Variants in PAXIP1 observed in about 807,000 individuals in gnomAD.
PAXIP1 encodes PAX-interacting protein 1.
In PAXIP1, 19 loss-of-function variants were observed where a neutral mutation model predicts 140.6. That is an observed-to-expected ratio of 0.14 (90% confidence interval 0.09 to 0.20). PAXIP1 has a LOEUF of 0.20. Among genes scored for constraint, PAXIP1 ranks in the 10% least tolerant of loss-of-function variants. The pLI is 1.00. For missense variants in PAXIP1, 920 were observed against 1,208.6 expected (o/e 0.76, Z 3.54); for synonymous variants, 442 against 444.6 (o/e 0.99, Z 0.07).
chr7:154,998,369 G>A (rs756270964), intron 2 of PAXIP1, among the ~76,000 whole-genome samples: 13 of 152,122 alleles, frequency 8.5e-5, no homozygotes, highest in Non-Finnish European at 1.8e-4. Flanking sequence ...TTAGCCAGGC[G>A]TGGTGGCAGG....
intron 8 of PAXIP1, chr7:154,965,288 C>G (rs540026323): frequency 1.2e-4 from 18 of 152,434 alleles, no homozygotes; most frequent in African/African-American, 4.3e-4. Context: ...GCTCCTGCAG[C>G]CTCCGCTGGC....
At position 154,975,688 on chromosome 7, in the gene PAXIP1, T is replaced by C; in HGVS notation, c.1074+8A>G. On this transcript the variant is annotated splice_region_variant and intron_variant, in intron 6 of 20. Coordinates refer to ENST00000404141, the MANE Select transcript of PAXIP1 (RefSeq NM_007349.4). Reference sequence around the variant, plus strand: ...ATACTGACATTTTTTTCGGAAAGAGTGACTTACATGTGCTACATTTGATGG... The same window carrying C: ...ATACTGACATTTTTTTCGGAAAGAGCGACTTACATGTGCTACATTTGATGG... 1 of 1,571,480 alleles carries C rather than the reference T, an allele frequency of 6.4e-7. No individual in the cohort carries two copies. The highest frequency in any genetic ancestry group is 2.2e-5 in the East Asian group (1 of 44,560).
intron 4 of PAXIP1, among the ~76,000 whole-genome samples, chr7:154,988,013 T>C (rs1476736400): frequency 6.6e-6 from 1 of 152,240 alleles, no homozygotes; most frequent in Non-Finnish European, 1.5e-5. Flanking sequence ...GAGGTAAGTA[T>C]TTGTAATCCA....
chr7:154,986,278 G>A lies in PAXIP1; in HGVS notation c.325-2946C>T, dbSNP rs939959526. 14 of 758,010 alleles carry A rather than the reference G, an allele frequency of 1.8e-5. No homozygotes were observed. Among genetic ancestry groups the A allele is most frequent in the East Asian group, 1.3e-4 (2 of 15,758 alleles). 47.0% of individuals were successfully genotyped at this position (758,010 alleles called of 1,614,324 possible). On this transcript the variant is annotated intron_variant, in intron 4 of 20. Coordinates refer to ENST00000404141, the MANE Select transcript of PAXIP1 (RefSeq NM_007349.4). This position sits in a 1 kb window ranked among gnomAD's most constrained non-coding sequence, Gnocchi z 4.8. ...GGCGTGTGCATGTGAGTGTGTGTGC[G>A]CATGGGTGCTCCAGTGTGCAGAAAA... is the stretch of plus-strand genomic sequence containing the variant.
At position 154,950,348 on chromosome 7, in the gene PAXIP1, G is replaced by A. The variant is rs1207287885; in HGVS notation, c.2822-2345C>T. ...GAAACTCCTAGAAGATAACACAGGA[G>A]AGAATCTAAGGGACCTTGAGTTTGG... On this transcript the variant is annotated intron_variant, in intron 16 of 20. Coordinates refer to ENST00000404141, the MANE Select transcript of PAXIP1 (RefSeq NM_007349.4). 2.0e-5 allele frequency: 3 copies of A among 152,176 alleles called. No individual in the cohort carries two copies. The East Asian group carries it at 5.8e-4, about 29-fold the overall frequency. 9.4% of individuals were successfully genotyped at this position (152,176 alleles called of 1,614,324 possible). A position where few individuals can be genotyped will look rare whatever the true frequency, so the allele number is the denominator to read the frequency against.
At chr7:154,972,142 A>C (rs868359149) in intron 6 of PAXIP1, among the ~76,000 whole-genome samples, 4 of 152,218 alleles carry the variant, frequency 2.6e-5, no homozygotes, top group Non-Finnish European at 5.9e-5. Flanking sequence ...CTCTATATCC[A>C]AATACAAACT....
chr7:154,944,187 C>T, intron 20 of PAXIP1, 23 bp from the exon 21 acceptor site: 3 of 1,591,216 alleles, frequency 1.9e-6, no homozygotes, highest in Middle Eastern at 1.7e-4. Flanking sequence ...AGGAAAACGA[C>T]TTTCAAACAC....
intron 5 of PAXIP1, among the ~76,000 whole-genome samples, chr7:154,982,383 A>T (rs1039362487): frequency 1.3e-5 from 2 of 152,084 alleles, no homozygotes; most frequent in South Asian, 2.1e-4. Context: ...ACAGAGTCTC[A>T]CTCGGTCATC....
intron 7 of PAXIP1, 26 bp downstream of exon 7, chr7:154,968,377 G>A: frequency 6.6e-7 from 1 of 1,508,502 alleles, no homozygotes; most frequent in African/African-American, 1.4e-5. Context: ...TTTTAGGAGA[G>A]AGGAAAAATA....
intron 16 of PAXIP1, among the ~76,000 whole-genome samples, chr7:154,953,003 T>A (rs1808341720): frequency 6.6e-6 from 1 of 152,260 alleles, no homozygotes; most frequent in Non-Finnish European, 1.5e-5. Flanking sequence ...TTAAGATATA[T>A]ACACTTCTAA....
At chr7:154,966,948 T>C (rs1411271095) in intron 8 of PAXIP1, among the ~76,000 whole-genome samples, 2 of 152,220 alleles carry the variant, frequency 1.3e-5, no homozygotes, top group African/African-American at 4.8e-5. Context: ...TTGGCTGTGC[T>C]GCACTATTTG....
At chr7:154,992,706 A>G (rs1810402475) in intron 3 of PAXIP1, among the ~76,000 whole-genome samples, 1 of 152,204 alleles carries the variant, frequency 6.6e-6, no homozygotes, top group Non-Finnish European at 1.5e-5. Context: ...GACTTCTTAT[A>G]AAAGTAATAA....
At chr7:155,001,347 T>C (rs1810877226) in intron 1 of PAXIP1, 2 of 150,954 alleles carry the variant, frequency 1.3e-5, no homozygotes, top group African/African-American at 4.9e-5. Flanking sequence ...AGAAAAATGG[T>C]GGATAGCAAA....
intron 2 of PAXIP1, among the ~76,000 whole-genome samples, chr7:154,994,762 TATAAA>T (rs1279304728): frequency 6.6e-6 from 1 of 152,198 alleles, no homozygotes; most frequent in African/African-American, 2.4e-5. Flanking sequence ...TTAAACATTT[TATAAA>T]ATAAAATAAA....
intron 3 of PAXIP1, among the ~76,000 whole-genome samples, chr7:154,992,155 T>C (rs1810361582): frequency 6.6e-6 from 1 of 152,190 alleles, no homozygotes; most frequent in African/African-American, 2.4e-5. Context: ...CTCCCTTGTT[T>C]GTTTGTTTGT....
chr7:154,991,930 T>G (rs1810348008), intron 3 of PAXIP1, among the ~76,000 whole-genome samples: 3 of 152,220 alleles, frequency 2.0e-5, no homozygotes, highest in South Asian at 2.1e-4. Flanking sequence ...GTTTGAAGTC[T>G]CCTATATGGT....
In PAXIP1 at chr7:154,946,583, A is replaced by G; in HGVS notation, c.3062T>C (p.Leu1021Ser). The G allele has an allele frequency of 6.2e-7, 1 of 1,613,822 alleles. No homozygotes were observed. Among genetic ancestry groups the G allele is most frequent in the South Asian group, 1.1e-5 (1 of 91,060 alleles). The change falls in exon 19 of 21, where the codon TTG (leucine) becomes TCG (serine). Residue 1021 changes from leucine (L) to serine (S), a missense_variant. Leu to Ser is a moderately radical substitution (Grantham distance 145). This residue lies in a region of PAXIP1 where 303 missense variants were observed against 517.9 expected (regional missense o/e 0.59). Transcript: ENST00000404141. This position sits in a 1 kb window ranked among gnomAD's most constrained non-coding sequence, Gnocchi z 4.9. ...KLMEHKQNSS[L>S]SEIILISCEN... is the part of the protein sequence containing the mutation. Reference sequence around the variant, plus strand: ...ACAGGATATTAAAATTATTTCCGACAAACTCTAAGGAAAAGAAAATGAGTT... The same window carrying G: ...ACAGGATATTAAAATTATTTCCGACGAACTCTAAGGAAAAGAAAATGAGTT...
In PAXIP1 at chr7:155,002,967, GCCCCGCCCAC is replaced by G; in HGVS notation, c.-48_-39del. ...CCGGGAGGCTCCGCGGCGGCGCCCG[GCCCCGCCCAC>G]CCCCCGCCCCCGGCCCCCGCGGCGC... On this transcript the variant is annotated 5_prime_UTR_variant, in exon 1 of 21. Coordinates refer to ENST00000404141, the MANE Select transcript of PAXIP1 (RefSeq NM_007349.4). The G allele has an allele frequency of 1.0e-6, 1 of 976,218 alleles. No homozygotes were observed. Among genetic ancestry groups the G allele is most frequent in the Non-Finnish European group, 1.3e-6 (1 of 794,272 alleles). The allele number at this position is 976,218 out of a possible 1,614,324, so 60.5% of individuals were successfully genotyped here.
chr7:154,965,846 G>A (rs1808988839), intron 8 of PAXIP1: 1 of 152,316 alleles, frequency 6.6e-6, no homozygotes, highest in Non-Finnish European at 1.5e-5. Flanking sequence ...ATTGCATGGG[G>A]GTGAGCACCC....
Sources: allele counts gnomAD v4.1 joint callset (sites outside exome capture counted in the v4.1 genomes callset), GRCh38; gene constraint gnomAD v4.1.1; regional missense constraint gnomAD v4.1.1; non-coding constraint Gnocchi (gnomAD v3.1); transcripts MANE v1.5; gene names NCBI Gene and HGNC (gene_info 2026-07-23, HGNC 2026-07-21).